The following SCN9A variants were observed in gnomAD, a reference collection of about 807,000 sequenced individuals.
SCN9A encodes the protein sodium channel protein type 9 subunit alpha.
Under a neutral mutation model 187.0 loss-of-function variants are expected in SCN9A, and 131 were observed. The ratio of observed to expected loss-of-function variants is 0.70; its 90% CI spans 0.61 to 0.81. The LOEUF is 0.81. Ranked by LOEUF, SCN9A falls within the 30% of genes least tolerant of loss-of-function variation. SCN9A has a pLI of 0.00. For missense variants in SCN9A, 2,252 were observed against 2,396.6 expected (o/e 0.94, Z 1.26); for synonymous variants, 809 against 808.6 (o/e 1.00, Z -0.01).
intron 10 of SCN9A, among the ~76,000 whole-genome samples, chr2:166,287,791 G>A (rs1193835862): frequency 6.0e-5 from 9 of 150,878 alleles, no homozygotes; most frequent in Admixed American, 3.9e-4. Context: ...AATATCTCAT[G>A]TTTTATCTTA....
rs116653005 is a variant in SCN9A at position 166,319,758 on chromosome 2, A to G, written c.-50-7952T>C. Among the ~76,000 whole-genome samples the G allele has an allele frequency of 1.3e-3, 204 of 152,288 alleles. 1 individual carries two copies. Among genetic ancestry groups the G allele is most frequent in the African/African-American group, 4.6e-3 (193 of 41,582 alleles). The stretch of plus-strand genomic sequence containing the variant: ...ACACAAAGACAAGATATACACATAT[A>G]TGTGTTAAATATTATCAGTGTAAAA... On this transcript the variant is annotated intron_variant, in intron 1 of 26. Coordinates refer to ENST00000642356, the MANE Select transcript of SCN9A (RefSeq NM_001365536.1).
At chr2:166,281,534 A>G in intron 13 of SCN9A, 145 bp downstream of exon 13, 2 of 606,320 alleles carry the variant, frequency 3.3e-6, no homozygotes, top group South Asian at 3.2e-5. Context: ...TTCCATCAGT[A>G]TCCATTGGTT....
intron 24 of SCN9A, among the ~76,000 whole-genome samples, chr2:166,210,128 T>TAAAAAAGGATG (rs1258935005): frequency 1.3e-5 from 2 of 151,912 alleles, no homozygotes; most frequent in Admixed American, 6.6e-5. Flanking sequence ...TATGCAGCCA[T>TAAAAAAGGATG]AAAAAAGGAT....
intron 17 of SCN9A, among the ~76,000 whole-genome samples, chr2:166,257,070 G>A (rs770231175): frequency 2.0e-5 from 3 of 151,622 alleles, no homozygotes; most frequent in Admixed American, 1.3e-4. Context: ...AAAGAGCTAG[G>A]AGTGTAAAGT....
chr2:166,277,539 C>T (rs1697291082), intron 15 of SCN9A, among the ~76,000 whole-genome samples, 200 bp from the exon 16 acceptor site: 1 of 152,100 alleles, frequency 6.6e-6, no homozygotes, highest in Non-Finnish European at 1.5e-5. Flanking sequence ...CAAAAAATTA[C>T]AACACATATT....
chr2:166,298,742 G>A (rs1039196017), intron 7 of SCN9A: 1 of 152,088 alleles, frequency 6.6e-6, no homozygotes, highest in Admixed American at 6.6e-5. Flanking sequence ...CAGAACCACA[G>A]TCTACACATA....
intron 1 of SCN9A, among the ~76,000 whole-genome samples, chr2:166,338,374 A>G (rs1699681056): frequency 6.6e-6 from 1 of 152,082 alleles, no homozygotes; most frequent in Non-Finnish European, 1.5e-5. Context: ...TCTTTATATT[A>G]AAATTATACA....
rs892841783 is a variant in SCN9A at position 166,197,930 on chromosome 2, T to C, written c.*742A>G. The C allele has an allele frequency of 6.6e-6, 1 of 152,092 alleles. No homozygotes were observed. Among genetic ancestry groups the C allele is most frequent in the Non-Finnish European group, 1.5e-5 (1 of 67,974 alleles). 9.4% of individuals were successfully genotyped at this position (152,092 alleles called of 1,614,324 possible). ...ATAATTTTTCAAGTTCTGTGGTTATTCTATGAACAAAAAGGGATATGAAAG... is the reference window on the plus strand; with the variant it reads ...ATAATTTTTCAAGTTCTGTGGTTATCCTATGAACAAAAAGGGATATGAAAG... On this transcript the variant is annotated 3_prime_UTR_variant, in exon 27 of 27. Transcript: ENST00000642356.
At chr2:166,288,087 A>G (rs561897072) in intron 10 of SCN9A, among the ~76,000 whole-genome samples, 59 of 85,856 alleles carry the variant, frequency 6.9e-4, no homozygotes, top group African/African-American at 2.6e-3. Context: ...ACATAGTTCC[A>G]TGTGTTTATA....
At chr2:166,242,705 A>G (rs898961894) in intron 18 of SCN9A, 49 bp from the exon 19 acceptor site, 1 of 1,391,754 alleles carries the variant, frequency 7.2e-7, no homozygotes, top group Admixed American at 2.1e-5. Context: ...GAATAAATAA[A>G]ATTTTTAATA....
chr2:166,325,743 T>C (rs546352773), intron 1 of SCN9A, among the ~76,000 whole-genome samples: 21 of 152,208 alleles, frequency 1.4e-4, no homozygotes, highest in Admixed American at 5.9e-4. Context: ...TGAGGTAACA[T>C]AGAGATAAAA....
intron 1 of SCN9A, among the ~76,000 whole-genome samples, chr2:166,346,865 GACACAAAA>G (rs1262570128): frequency 6.6e-6 from 1 of 152,122 alleles, no homozygotes; most frequent in Non-Finnish European, 1.5e-5. Context: ...ACATCAGAAA[GACACAAAA>G]ATACAGAAAA....
Position 166,293,313 on chromosome 2 carries a change from G to A in SCN9A, c.1025C>T (p.Thr342Met), listed in dbSNP as rs772249726. The A allele has an allele frequency of 5.0e-6, 8 of 1,607,090 alleles. No homozygotes were observed. Among genetic ancestry groups the A allele is most frequent in the Admixed American group, 3.4e-5 (2 of 59,074 alleles). Residue 342 changes from threonine (T) to methionine (M), a missense_variant, in exon 9 of 27, where the codon ACG (threonine) becomes ATG (methionine). Thr to Met is a moderately conservative substitution (Grantham distance 81). Transcript: ENST00000642356. ...KIGRNPDYGY[T>M]SFDTFSWAFL... ...GGCCCAGCTGAAAGTGTCAAAGCTC[G>A]TGTAGCCATAATCAGGGTTTCTGCC...
At chr2:166,356,968 C>G (rs1700164836) in intron 1 of SCN9A, among the ~76,000 whole-genome samples, 1 of 151,724 alleles carries the variant, frequency 6.6e-6, no homozygotes, top group South Asian at 2.1e-4. Flanking sequence ...CTTTTTGTAA[C>G]TTTTATTTTA....
Position 166,277,098 on chromosome 2 carries a change from A to T in SCN9A, c.2759T>A (p.Val920Glu). ...CCACTCTCCACACAGCACGCGGAAC[A>T]CAATCAGGAAGGAGTGGAAGAAGTC... is the stretch of plus-strand genomic sequence containing the variant. ...MNDFFHSFLIVFRVLCGEWIE... is the reference protein window; with the variant it reads ...MNDFFHSFLIEFRVLCGEWIE... The change falls in exon 16 of 27, where the codon GTG becomes GAG. Residue 920 changes from valine (V) to glutamate (E), a missense_variant. This residue lies in a region of SCN9A where 119 missense variants were observed against 188.7 expected (regional missense o/e 0.63). Coordinates refer to ENST00000642356, the MANE Select transcript of SCN9A (RefSeq NM_001365536.1). The T allele has an allele frequency of 1.2e-6, 2 of 1,614,074 alleles. No homozygotes were observed. The highest frequency in any genetic ancestry group is 1.7e-6 in the Non-Finnish European group (2 of 1,180,004).
intron 24 of SCN9A, chr2:166,204,934 C>T (rs1459457537): frequency 6.6e-6 from 1 of 152,114 alleles, no homozygotes; most frequent in African/African-American, 2.4e-5. Context: ...AATAAAATAC[C>T]TAGGAATCCA....
chr2:166,281,749 AT>A lies in SCN9A; in HGVS notation c.2033del (p.Asp678ValfsTer3), dbSNP rs1574859556. 6.2e-7 allele frequency: 1 copy of A among 1,613,380 alleles called. No homozygotes were observed. Among genetic ancestry groups the A allele is most frequent in the Non-Finnish European group, 8.5e-7 (1 of 1,179,540 alleles). On this transcript the variant is annotated frameshift_variant, in exon 13 of 27. Transcript: ENST00000642356. LOFTEE classifies it high-confidence loss of function. ...RRCSSYLLSE[D>X]MLNDPNLRQR... The stretch of plus-strand genomic sequence containing the variant: ...GTCTGAGGTTGGGATCATTCAGCAT[AT>A]CCTCTGAAAGGAGATAGGAACTACA...
In SCN9A at chr2:166,215,277, A is replaced by T. The variant is rs143083657; in HGVS notation, c.4399-10813T>A. Among the ~76,000 whole-genome samples, 531 of 152,276 alleles carry T rather than the reference A, an allele frequency of 3.5e-3. 3 individuals carry two copies. The highest frequency in any genetic ancestry group is 0.012 in the African/African-American group (500 of 41,576). On this transcript the variant is annotated intron_variant, in intron 24 of 26. Transcript: ENST00000642356. Reference sequence around the variant, plus strand: ...ACAATGGAAACACAAGATAACAAATAGTATGGAATGTAGAAAAAGAAGCCC... The same window carrying T: ...ACAATGGAAACACAAGATAACAAATTGTATGGAATGTAGAAAAAGAAGCCC...
chr2:166,373,958 A>G (rs1170219206), intron 1 of SCN9A, among the ~76,000 whole-genome samples: 1 of 152,170 alleles, frequency 6.6e-6, no homozygotes, highest in Non-Finnish European at 1.5e-5. Context: ...ATTATATTAA[A>G]TAAATAGAAC....
Sources: gnomAD v4.1 joint callset for allele counts (sites outside exome capture counted in the v4.1 genomes callset) on GRCh38, gnomAD v4.1.1 for gene constraint, gnomAD v4.1.1 regional missense constraint, MANE v1.5 for transcripts, NCBI Gene and HGNC (gene_info 2026-07-23, HGNC 2026-07-21) for gene names.